TRPC4: variants seen among roughly 807,000 people sequenced by gnomAD.
TRPC4 encodes short transient receptor potential channel 4.
Under a neutral mutation model 99.4 loss-of-function variants are expected in TRPC4, and 49 were observed. That is an observed-to-expected ratio of 0.49 (90% CI 0.39 to 0.63). TRPC4 has a LOEUF of 0.63. Among genes scored for constraint, TRPC4 ranks in the 20% least tolerant of loss-of-function variants. The probability of loss-of-function intolerance (pLI) is 0.00; values close to 1 mark genes in which losing one functional copy is unlikely to be tolerated. For synonymous variants in TRPC4, 454 were observed against 425.9 expected, an observed-to-expected ratio of 1.07 and a Z score of -0.81; for missense variants, 898 against 1,152.9, an observed-to-expected ratio of 0.78 and a Z score of 3.20.
intron 2 of TRPC4, among the ~76,000 whole-genome samples, chr13:37,765,473 G>A (rs4112002): frequency 6.6e-6 from 1 of 151,270 alleles, no homozygotes; most frequent in African/African-American, 2.4e-5. Flanking sequence ...GCTGTTATTT[G>A]ACATGTATTT....
chr13:37,687,007 T>C (rs1953504780), intron 4 of TRPC4, among the ~76,000 whole-genome samples: 1 of 151,900 alleles, frequency 6.6e-6, no homozygotes, highest in Admixed American at 6.6e-5. Flanking sequence ...CTCTGTCACC[T>C]ACACTGGAGT....
chr13:37,653,789 C>T (rs1192344070), intron 7 of TRPC4, among the ~76,000 whole-genome samples: 2 of 152,232 alleles, frequency 1.3e-5, no homozygotes, highest in African/African-American at 4.8e-5. Context: ...ATCCAAATTG[C>T]TGGCAGCTTC....
In TRPC4 at chr13:37,637,441, A is replaced by G; in HGVS notation, c.2396T>C (p.Leu799Ser). The G allele has an allele frequency of 6.2e-7, 1 of 1,613,752 alleles. No homozygotes were observed. Among genetic ancestry groups the G allele is most frequent in the South Asian group, 1.1e-5 (1 of 91,058 alleles). ...TGATCTCGGATGAATCAGGGTGGTT[A>G]AATCAAAAAGGCTGAAATTCTTTTT... is the stretch of plus-strand genomic sequence containing the variant. ...DKKKNFSLFD[L>S]TTLIHPRSAA... The change falls in exon 11 of 11, where the codon TTA becomes TCA. Residue 799 changes from leucine to serine, a missense_variant. Around this residue, in one of 3 missense-constraint regions of TRPC4, gnomAD observed 346 missense variants for 351.4 expected, o/e 0.98. Transcript: ENST00000379705.
chr13:37,744,031 G>A (rs546971545), intron 3 of TRPC4, among the ~76,000 whole-genome samples: 1 of 152,094 alleles, frequency 6.6e-6, no homozygotes, highest in African/African-American at 2.4e-5. Flanking sequence ...TGCATTCTCT[G>A]TTTCATTTCA....
chr13:37,715,049 G>T (rs746184633), intron 3 of TRPC4, among the ~76,000 whole-genome samples: 7 of 152,182 alleles, frequency 4.6e-5, no homozygotes, highest in Non-Finnish European at 1.0e-4. Context: ...TGAAAGCAAT[G>T]AGATACTTAT....
At chr13:37,725,928 C>A (rs2139057172) in intron 3 of TRPC4, among the ~76,000 whole-genome samples, 1 of 152,134 alleles carries the variant, frequency 6.6e-6, no homozygotes, top group Admixed American at 6.6e-5. Context: ...TTAGTATTGG[C>A]AGCTCACACC....
intron 2 of TRPC4, among the ~76,000 whole-genome samples, chr13:37,769,793 G>A (rs895115159): frequency 6.6e-6 from 1 of 151,464 alleles, no homozygotes; most frequent in Non-Finnish European, 1.5e-5. Flanking sequence ...CAACCTGAAA[G>A]CATGACACAA....
Position 37,840,193 on chromosome 13 carries a change from C to G in TRPC4, c.-28+29402G>C, listed in dbSNP as rs534675259. Reference sequence around the variant, plus strand: ...TTAATTCTCCTTCTTTAGTGTTTCTCTTGTTAGGTATCTGGCACAACTTTC... The same window carrying G: ...TTAATTCTCCTTCTTTAGTGTTTCTGTTGTTAGGTATCTGGCACAACTTTC... On this transcript the variant is annotated intron_variant, in intron 1 of 10. Transcript: ENST00000379705. 2.0e-5 allele frequency among the ~76,000 whole-genome samples: 3 copies of G among 152,126 alleles called. No homozygotes were observed. In the South Asian group the frequency reaches 6.2e-4, roughly 32 times the overall value.
At chr13:37,699,632 T>C (rs925488957) in intron 3 of TRPC4, among the ~76,000 whole-genome samples, 4 of 152,214 alleles carry the variant, frequency 2.6e-5, no homozygotes, top group African/African-American at 7.2e-5. Flanking sequence ...GCCCAACAAG[T>C]GTCAAGTTCA....
intron 6 of TRPC4, among the ~76,000 whole-genome samples, chr13:37,658,295 C>T (rs1461976101): frequency 6.6e-6 from 1 of 152,138 alleles, no homozygotes; most frequent in Non-Finnish European, 1.5e-5. Context: ...TATGGGTGGA[C>T]TTAGGTCCTG....
chr13:37,857,360 A>G (rs1039533009), intron 1 of TRPC4, among the ~76,000 whole-genome samples: 3 of 151,698 alleles, frequency 2.0e-5, no homozygotes, highest in Non-Finnish European at 4.4e-5. Context: ...AAATCTAAAA[A>G]TTCAATGCAA....
intron 1 of TRPC4, among the ~76,000 whole-genome samples, chr13:37,785,436 A>G (rs1412820517): frequency 1.3e-5 from 2 of 152,144 alleles, no homozygotes; most frequent in Admixed American, 6.6e-5. Context: ...CATTATGCAT[A>G]CCCTTTATTA....
At chr13:37,668,837 C>T (rs1254111623) in intron 5 of TRPC4, among the ~76,000 whole-genome samples, 1 of 152,064 alleles carries the variant, frequency 6.6e-6, no homozygotes, top group Non-Finnish European at 1.5e-5. Context: ...TTTTCCCTTT[C>T]TAGAAATTTA....
chr13:37,731,251 T>C (rs1566127557), intron 3 of TRPC4, among the ~76,000 whole-genome samples: 2 of 152,064 alleles, frequency 1.3e-5, no homozygotes, highest in Admixed American at 6.6e-5. Context: ...CTTTCTTACA[T>C]ATTCATTCAT....
intron 2 of TRPC4, among the ~76,000 whole-genome samples, chr13:37,780,046 G>A (rs541006057): frequency 6.1e-4 from 92 of 151,948 alleles, no homozygotes; most frequent in African/African-American, 2.1e-3. Flanking sequence ...TAGGACTCTC[G>A]AGAAAAGGAA....
chr13:37,780,426 A>C (rs1385783768), intron 2 of TRPC4, among the ~76,000 whole-genome samples: 1 of 152,102 alleles, frequency 6.6e-6, no homozygotes, highest in Non-Finnish European at 1.5e-5. Context: ...GACCTCAATA[A>C]AATGAATGAT....
intron 2 of TRPC4, among the ~76,000 whole-genome samples, chr13:37,748,484 C>CA (rs1374908756): frequency 6.8e-6 from 1 of 146,396 alleles, no homozygotes; most frequent in African/African-American, 2.5e-5. Context: ...CATTTTTTTT[C>CA]AAAAAAATAA....
intron 1 of TRPC4, among the ~76,000 whole-genome samples, chr13:37,805,818 A>G (rs1182060597): frequency 1.3e-5 from 2 of 152,058 alleles, no homozygotes; most frequent in African/African-American, 4.8e-5. Flanking sequence ...TTCCCTTAGG[A>G]TAAAATATTT....
At chr13:37,791,048 T>G (rs1008323726) in intron 1 of TRPC4, among the ~76,000 whole-genome samples, 1 of 152,022 alleles carries the variant, frequency 6.6e-6, no homozygotes, top group South Asian at 2.1e-4. Context: ...TGACCTCAGT[T>G]TTTTACTTAT....
Sources: gnomAD v4.1 joint callset for allele counts (sites outside exome capture counted in the v4.1 genomes callset) on GRCh38, gnomAD v4.1.1 for gene constraint, gnomAD v4.1.1 regional missense constraint, MANE v1.5 for transcripts, NCBI Gene and HGNC (gene_info 2026-07-23, HGNC 2026-07-21) for gene names.